The following PHF14 variants were observed in gnomAD, a reference collection of about 807,000 sequenced individuals.
The protein encoded by PHF14 is PHD finger protein 14.
In PHF14, 55 loss-of-function variants were observed where a neutral mutation model predicts 117.9. The observed-to-expected ratio is 0.47, with a 90% confidence interval of 0.38 to 0.58. The LOEUF (loss-of-function observed/expected upper bound fraction) is 0.58. Among genes scored for constraint, PHF14 ranks in the 20% least tolerant of loss-of-function variants. The pLI is 0.00. For missense variants in PHF14, 978 were observed against 1,122.2 expected (o/e 0.87, Z 1.84); for synonymous variants, 409 against 368.6 (o/e 1.11, Z -1.26).
At chr7:11,089,037 G>T (rs1786536762) in intron 16 of PHF14, among the ~76,000 whole-genome samples, 1 of 151,570 alleles carries the variant, frequency 6.6e-6, no homozygotes, top group Admixed American at 6.6e-5. Context: ...TCTCATGAAT[G>T]TAACATTTAA....
rs1782421214 is a variant in PHF14, at chr7:10,990,750, G to T, written c.948G>T (p.Met316Ile). The T allele has an allele frequency of 6.4e-7, 1 of 1,570,476 alleles. No homozygotes were observed. Among genetic ancestry groups the T allele is most frequent in the Admixed American group, 1.8e-5 (1 of 54,606 alleles). The change falls in exon 4 of 18, where the codon ATG becomes ATT. Residue 316 changes from methionine to isoleucine, a missense_variant. Around this residue, in one of 7 missense-constraint regions of PHF14, gnomAD observed 414 missense variants for 376.4 expected, o/e 1.10. Transcript: ENST00000634607. ...EKSQNWSSQK[M>I]DHILICCVCL... ...GTCAAAACTGGAGCTCTCAAAAAAT[G>T]GACCATATTCTGATTTGCTGTGTTT...
intron 5 of PHF14, among the ~76,000 whole-genome samples, chr7:11,021,605 A>T (rs1324052002): frequency 6.6e-6 from 1 of 152,140 alleles, no homozygotes; most frequent in Non-Finnish European, 1.5e-5. Flanking sequence ...ATCAGAGATA[A>T]ACTCCTACAG....
chr7:11,028,698 A>T lies in PHF14; in HGVS notation c.1335A>T (p.Glu445Asp). The change falls in exon 7 of 18, where the codon GAA becomes GAT. Residue 445 changes from glutamate (E) to aspartate (D), a missense_variant. This residue lies in a region of PHF14 where 21 missense variants were observed against 16.5 expected (regional missense o/e 1.27). Coordinates refer to ENST00000634607, the MANE Select transcript of PHF14 (RefSeq NM_001007157.2). Reference protein sequence around the residue: ...KYGAKECSFCEDPRFARTGVC... With the variant: ...KYGAKECSFCDDPRFARTGVC... The stretch of plus-strand genomic sequence containing the variant: ...TGTTGTAGGAGTGTAGCTTTTGTGA[A>T]GACCCTCGCTTTGCTAGAACTGGGG... The T allele has an allele frequency of 6.2e-7, 1 of 1,613,736 alleles. No individual in the cohort carries two copies. The highest frequency in any genetic ancestry group is 8.5e-7 in the Non-Finnish European group (1 of 1,179,762).
chr7:11,135,468 C>A (rs191581682), intron 17 of PHF14, among the ~76,000 whole-genome samples: 10 of 152,108 alleles, frequency 6.6e-5, no homozygotes, highest in Admixed American at 2.0e-4. Context: ...TTTTTCATTT[C>A]TTTATTTGAA....
At chr7:11,025,354 G>T (rs1340873164) in intron 6 of PHF14, among the ~76,000 whole-genome samples, 2 of 152,186 alleles carry the variant, frequency 1.3e-5, no homozygotes, top group East Asian at 1.9e-4. Context: ...GATTGATTAA[G>T]CAGGAAGAGG....
At chr7:11,002,521 C>T (rs1166320237) in intron 4 of PHF14, among the ~76,000 whole-genome samples, 2 of 152,064 alleles carry the variant, frequency 1.3e-5, no homozygotes, top group Non-Finnish European at 2.9e-5. Flanking sequence ...TCACTGCAAC[C>T]TCCACCTCCT....
intron 16 of PHF14, among the ~76,000 whole-genome samples, chr7:11,077,932 T>G (rs1785929386): frequency 6.6e-6 from 1 of 152,218 alleles, no homozygotes; most frequent in Non-Finnish European, 1.5e-5. Flanking sequence ...TGCTTCTCTC[T>G]TCAGCGTGCA....
At chr7:11,031,834 G>C (rs1188299016) in intron 7 of PHF14, among the ~76,000 whole-genome samples, 1 of 152,092 alleles carries the variant, frequency 6.6e-6, no homozygotes, top group African/African-American at 2.4e-5. Context: ...ATGTTACTAT[G>C]TTTTACATTA....
At chr7:11,014,510 C>A (rs183854955) in intron 5 of PHF14, among the ~76,000 whole-genome samples, 8 of 152,162 alleles carry the variant, frequency 5.3e-5, no homozygotes, top group Non-Finnish European at 1.2e-4. Flanking sequence ...GGAGAGAAGG[C>A]CCTCTGTGTT....
At chr7:11,023,546 A>G (rs978366869) in intron 6 of PHF14, among the ~76,000 whole-genome samples, 11 of 152,174 alleles carry the variant, frequency 7.2e-5, no homozygotes, top group East Asian at 1.9e-4. Flanking sequence ...AATTTGGCCA[A>G]TTAGGGCTGG....
At chr7:11,053,748 G>T (rs1356785469) in intron 14 of PHF14, among the ~76,000 whole-genome samples, 2 of 152,014 alleles carry the variant, frequency 1.3e-5, no homozygotes, top group Admixed American at 1.3e-4. Context: ...AGATAAAAGA[G>T]AACTCTTTAA....
intron 4 of PHF14, among the ~76,000 whole-genome samples, chr7:10,996,925 C>T (rs1479990094): frequency 1.3e-5 from 2 of 152,128 alleles, no homozygotes; most frequent in African/African-American, 4.8e-5. Context: ...TACTCAACAG[C>T]CGTAGGTTTT....
At position 11,022,964 on chromosome 7, in the gene PHF14, C is replaced by A; in HGVS notation, c.1302C>A (p.Ser434=). The change falls in exon 6 of 18, where the codon TCC becomes TCA. Residue 434 remains serine (S), a synonymous_variant. Transcript: ENST00000634607. ...RPVTLTEMNY[S]KYGAKECSFC... ...TAACACTAACGGAAATGAACTATTC[C>A]AAATATGGTGCCAAGGTGAGACACA... 6.3e-7 allele frequency: 1 copy of A among 1,593,538 alleles called. No individual in the cohort carries two copies. Among genetic ancestry groups the A allele is most frequent in the Non-Finnish European group, 8.6e-7 (1 of 1,164,428 alleles).
Position 10,983,082 on chromosome 7 carries a change from G to A in PHF14, c.823G>A (p.Val275Ile). Residue 275 changes from valine to isoleucine, a missense_variant, in exon 3 of 18, where the codon GTT (valine) becomes ATT (isoleucine). Around this residue, in one of 7 missense-constraint regions of PHF14, gnomAD observed 414 missense variants for 376.4 expected, o/e 1.10. Coordinates refer to ENST00000634607, the MANE Select transcript of PHF14 (RefSeq NM_001007157.2). ...EGGCKKKKSK[V>I]LSRNSADDEE... ...GGGTTGCAAGAAGAAGAAGAGTAAAGTTCTTAGCAGAAACAGTGCTGATGA... is the reference window on the plus strand; with the variant it reads ...GGGTTGCAAGAAGAAGAAGAGTAAAATTCTTAGCAGAAACAGTGCTGATGA... 6.3e-7 allele frequency: 1 copy of A among 1,599,256 alleles called. No homozygotes were observed. Among genetic ancestry groups the A allele is most frequent in the East Asian group, 2.2e-5 (1 of 44,868 alleles).
chr7:11,046,852 C>T (rs561498438), intron 13 of PHF14, among the ~76,000 whole-genome samples: 24 of 150,950 alleles, frequency 1.6e-4, no homozygotes, highest in Admixed American at 5.9e-4. Flanking sequence ...ACATGGCTAA[C>T]GGCTTAGACA....
At chr7:11,150,209 A>G (rs1236174690) in intron 17 of PHF14, among the ~76,000 whole-genome samples, 3 of 152,164 alleles carry the variant, frequency 2.0e-5, no homozygotes, top group Non-Finnish European at 2.9e-5. Flanking sequence ...GGATGGGGAA[A>G]GAACATCCAA....
At chr7:11,165,407 T>C (rs559313063) in intron 17 of PHF14, among the ~76,000 whole-genome samples, 1 of 152,156 alleles carries the variant, frequency 6.6e-6, no homozygotes, top group Non-Finnish European at 1.5e-5. Flanking sequence ...CTTGACCATT[T>C]GGTTAAGGTG....
At chr7:11,028,361 A>G (rs1783997803) in intron 6 of PHF14, among the ~76,000 whole-genome samples, 1 of 152,194 alleles carries the variant, frequency 6.6e-6, no homozygotes, top group South Asian at 2.1e-4. Flanking sequence ...GAACTGTTGT[A>G]AACTGGGGAC....
chr7:11,061,018 T>G (rs1255980328), intron 14 of PHF14, among the ~76,000 whole-genome samples: 1 of 152,194 alleles, frequency 6.6e-6, no homozygotes, highest in Non-Finnish European at 1.5e-5. Flanking sequence ...TGTTCCTTGA[T>G]CTCAGCTGTC....
Sources: allele counts gnomAD v4.1 joint callset (sites outside exome capture counted in the v4.1 genomes callset), GRCh38; gene constraint gnomAD v4.1.1; regional missense constraint gnomAD v4.1.1; transcripts MANE v1.5; gene names NCBI Gene and HGNC (gene_info 2026-07-23, HGNC 2026-07-21).